LIPN: variants seen among roughly 807,000 people sequenced by gnomAD.
LIPN encodes the protein lipase member N.
A neutral mutation model predicts 43.7 loss-of-function variants in LIPN; 32 were observed. The observed-to-expected ratio is 0.73, with a 90% confidence interval of 0.55 to 0.98. LIPN has a LOEUF of 0.98. Ranked by LOEUF, LIPN falls within the 50% of genes least tolerant of loss-of-function variation. The pLI is 0.00. For missense variants in LIPN, 505 were observed against 483.8 expected, an observed-to-expected ratio of 1.04 and a Z score of -0.41; for synonymous variants, 156 against 157.6, an observed-to-expected ratio of 0.99 and a Z score of 0.08.
Position 88,775,157 on chromosome 10 carries a change from CA to C in LIPN, c.959del (p.Asn320IlefsTer10). On this transcript the variant is annotated frameshift_variant, in exon 9 of 10. Coordinates refer to ENST00000404459, the MANE Select transcript of LIPN (RefSeq NM_001102469.2). LOFTEE classifies it high-confidence loss of function. ...GNDADNMKHY[N>X]QSHPPIYDLT... ...ATGACGCTGATAATATGAAACATTA[CA>C]ATCAGGTGAGCTATTTACAGTAACC... 1 of 1,540,252 alleles carries C rather than the reference CA, an allele frequency of 6.5e-7. No individual in the cohort carries two copies. Among genetic ancestry groups the C allele is most frequent in the Non-Finnish European group, 8.8e-7 (1 of 1,138,414 alleles).
chr10:88,769,053 T>C (rs748061245), intron 6 of LIPN, 125 bp downstream of exon 6: 2 of 931,456 alleles, frequency 2.1e-6, no homozygotes, highest in Non-Finnish European at 3.2e-6. Flanking sequence ...TTAGACTCTG[T>C]GGGTATGTGC....
chr10:88,774,337 A>G, intron 7 of LIPN, 136 bp from the exon 8 acceptor site: 1 of 609,232 alleles, frequency 1.6e-6, no homozygotes. Flanking sequence ...TAAATGGTAT[A>G]TTTATCTAGA....
chr10:88,764,384 TC>T, intron 3 of LIPN, 25 bp from the exon 4 acceptor site: 1 of 1,573,228 alleles, frequency 6.4e-7, no homozygotes, highest in Non-Finnish European at 8.7e-7. Context: ...TTTCTCCCTC[TC>T]TCATCTTACC....
chr10:88,777,559 T>A (rs114685039), intron 9 of LIPN, among the ~76,000 whole-genome samples: 508 of 152,144 alleles, frequency 3.3e-3, no homozygotes, highest in African/African-American at 0.012. Flanking sequence ...ACTTTGATTA[T>A]CTGCCTCCAA....
chr10:88,774,961 G>T (rs1485860425), intron 8 of LIPN, 131 bp from the exon 9 acceptor site: 2 of 615,944 alleles, frequency 3.2e-6, no homozygotes, highest in Non-Finnish European at 5.7e-6. Flanking sequence ...ATTGTAAAAT[G>T]GGTGGTTACA....
chr10:88,767,330 G>A (rs1843119381), intron 5 of LIPN, among the ~76,000 whole-genome samples: 1 of 151,768 alleles, frequency 6.6e-6, no homozygotes, highest in Non-Finnish European at 1.5e-5. Context: ...AGAACTCATA[G>A]GAGATCAAAA....
At position 88,778,097 on chromosome 10, in the gene LIPN, A is replaced by T; in HGVS notation, c.1052A>T (p.Asp351Val). ...CATGATGTCCTCGTAACACCCCAGG[A>T]TGTGGCCAGGATACTCCCTCAAATC... ...GGHDVLVTPQ[D>V]VARILPQIKS... Residue 351 changes from aspartate (D) to valine (V), a missense_variant, in exon 10 of 10, where the codon GAT becomes GTT. Physicochemically the swap from Asp to Val is radical, Grantham distance 152. Transcript: ENST00000404459. The T allele has an allele frequency of 6.2e-7, 1 of 1,613,626 alleles. No individual in the cohort carries two copies.
chr10:88,762,087 C>A (rs1843010439), intron 2 of LIPN, 101 bp from the exon 3 acceptor site: 1 of 522,696 alleles, frequency 1.9e-6, no homozygotes, highest in South Asian at 3.9e-5. Context: ...CTACAAATTT[C>A]AGATAATTCA....
intron 6 of LIPN, 80 bp from the exon 7 acceptor site, chr10:88,770,765 C>A: frequency 1.2e-6 from 1 of 835,104 alleles, no homozygotes; most frequent in Non-Finnish European, 1.8e-6. Context: ...CTTATATATT[C>A]TGGTTACTAA....
intron 2 of LIPN, 49 bp from the exon 3 acceptor site, chr10:88,762,139 T>C: frequency 1.0e-6 from 1 of 964,860 alleles, no homozygotes; most frequent in Non-Finnish European, 1.6e-6. Context: ...TGATTCCTTT[T>C]TATATCCTTT....
intron 9 of LIPN, among the ~76,000 whole-genome samples, chr10:88,775,377 C>T (rs1229627774): frequency 6.6e-6 from 1 of 151,592 alleles, no homozygotes; most frequent in Non-Finnish European, 1.5e-5. Context: ...GTAATCCTTC[C>T]ATCCAGAGAT....
intron 5 of LIPN, among the ~76,000 whole-genome samples, chr10:88,767,690 A>C (rs1456440484): frequency 1.8e-5 from 2 of 112,284 alleles, no homozygotes; most frequent in Non-Finnish European, 1.7e-5. Flanking sequence ...AAAAAAAAAA[A>C]AACCATGGAG....
Position 88,774,481 on chromosome 10 carries a change from G to A in LIPN, c.828G>A (p.Met276Ile). Residue 276 changes from methionine (M) to isoleucine (I), a missense_variant, in exon 8 of 10, where the codon ATG becomes ATA. Met to Ile is a conservative substitution (Grantham distance 10). Transcript: ENST00000404459. ...SNKKNMNQSRMDVYMSHAPTG... is the reference protein window; with the variant it reads ...SNKKNMNQSRIDVYMSHAPTG... ...AGTTTTATCTCCTTTAGAGTCGAAT[G>A]GATGTGTATATGTCACATGCTCCCA... 1 of 1,608,858 alleles carries A rather than the reference G, an allele frequency of 6.2e-7. No homozygotes were observed. The highest frequency in any genetic ancestry group is 1.1e-5 in the South Asian group (1 of 90,598).
rs1198541883 is a variant in LIPN at position 88,762,293 on chromosome 10, G to T, written c.214G>T (p.Ala72Ser). Residue 72 changes from alanine to serine, a missense_variant, in exon 3 of 10, where the codon GCT becomes TCT. Physicochemically the swap from Ala to Ser is moderately conservative, Grantham distance 99. Transcript: ENST00000404459. ...VNRIPYGRTH[A>S]RSTGPRPVVY... Reference sequence around the variant, plus strand: ...CAGAATTCCTTATGGGCGAACACATGCTAGGAGCACAGGTACAAGATATGT... The same window carrying T: ...CAGAATTCCTTATGGGCGAACACATTCTAGGAGCACAGGTACAAGATATGT... The T allele has an allele frequency of 2.5e-6, 4 of 1,599,976 alleles. No individual in the cohort carries two copies. In the East Asian group the frequency reaches 9.0e-5, roughly 36 times the overall value.
At chr10:88,758,533 T>A (rs1052430445), upstream of LIPN, among the ~76,000 whole-genome samples, 1 of 148,932 alleles carries the variant, frequency 6.7e-6, no homozygotes, top group Admixed American at 6.7e-5. Flanking sequence ...TATATACTTT[T>A]ATTATATAGA....
intron 9 of LIPN, among the ~76,000 whole-genome samples, chr10:88,777,312 C>T (rs1002209848): frequency 2.0e-5 from 3 of 152,078 alleles, no homozygotes; most frequent in African/African-American, 7.2e-5. Flanking sequence ...AAATCATTAG[C>T]ATTCCCCAAG....
intron 7 of LIPN, among the ~76,000 whole-genome samples, chr10:88,771,311 G>A (rs1013779811): frequency 1.3e-5 from 2 of 151,676 alleles, no homozygotes; most frequent in African/African-American, 4.8e-5. Flanking sequence ...AATATACAAT[G>A]AATTATTGTT....
At chr10:88,762,010 G>T (rs1326581858) in intron 2 of LIPN, among the ~76,000 whole-genome samples, 178 bp from the exon 3 acceptor site, 1 of 151,884 alleles carries the variant, frequency 6.6e-6, no homozygotes, top group Admixed American at 6.6e-5. Context: ...GCCAATAGTA[G>T]ATATTTTTTA....
intron 7 of LIPN, 117 bp downstream of exon 7, chr10:88,771,108 A>G: frequency 1.1e-6 from 1 of 883,108 alleles, no homozygotes; most frequent in Admixed American, 3.2e-5. Context: ...ACCCTTAAAG[A>G]CAGATTTTTT....
Sources: allele counts gnomAD v4.1 joint callset (sites outside exome capture counted in the v4.1 genomes callset), GRCh38; gene constraint gnomAD v4.1.1; transcripts MANE v1.5; gene names NCBI Gene and HGNC (gene_info 2026-07-23, HGNC 2026-07-21).